Variants in SNX29 observed in about 807,000 individuals in gnomAD.
The protein encoded by SNX29 is sorting nexin 29.
In SNX29, 78 loss-of-function variants were observed where a neutral mutation model predicts 102.1. That is an observed-to-expected ratio of 0.76 (90% confidence interval 0.64 to 0.92). The LOEUF is 0.92. Among genes scored for constraint, SNX29 ranks in the 40% least tolerant of loss-of-function variants. The pLI is 0.00. For synonymous variants in SNX29, 580 were observed against 414.5 expected, an observed-to-expected ratio of 1.40 and a Z score of -4.85; for missense variants, 1,280 against 1,061.7, an observed-to-expected ratio of 1.21 and a Z score of -2.86.
At chr16:12,564,732 T>A (rs1483270974) in intron 20 of SNX29, among the ~76,000 whole-genome samples, 1 of 151,980 alleles carries the variant, frequency 6.6e-6, no homozygotes, top group Non-Finnish European at 1.5e-5. Context: ...AAAAATGCAG[T>A]TGTGCCTAAC....
At chr16:12,352,976 GGGATATAGGCGTT>G (rs112264908) in intron 15 of SNX29, among the ~76,000 whole-genome samples, 2,890 of 152,218 alleles carry the variant, frequency 0.019, 82 homozygotes, top group African/African-American at 0.067. Context: ...ATATAGGCGT[GGGATATAGGCGTT>G]GGATATGGCA....
intron 20 of SNX29, among the ~76,000 whole-genome samples, chr16:12,549,048 C>T (rs1376152500): frequency 2.6e-5 from 4 of 152,222 alleles, no homozygotes; most frequent in African/African-American, 9.6e-5. Context: ...GGTGAGTCCA[C>T]TCTTGCAGCT....
At chr16:12,403,985 G>T (rs1029763679) in intron 18 of SNX29, among the ~76,000 whole-genome samples, 4 of 152,140 alleles carry the variant, frequency 2.6e-5, no homozygotes, top group South Asian at 2.1e-4. Flanking sequence ...CTGGAAGGGC[G>T]GGTCTCACTG....
chr16:12,561,049 A>G, intron 20 of SNX29: 1 of 223,170 alleles, frequency 4.5e-6, no homozygotes, highest in Non-Finnish European at 9.0e-6. Context: ...TCAAACCAAG[A>G]GGTAGGAGGT....
intron 15 of SNX29, among the ~76,000 whole-genome samples, chr16:12,293,062 CTA>C (rs1228188022): frequency 1.3e-5 from 2 of 152,186 alleles, no homozygotes; most frequent in African/African-American, 2.4e-5. Context: ...TAAGCATGTA[CTA>C]TGTGTCAAAC....
intron 19 of SNX29, among the ~76,000 whole-genome samples, chr16:12,509,426 A>C (rs1218143882): frequency 6.6e-6 from 1 of 152,178 alleles, no homozygotes; most frequent in Non-Finnish European, 1.5e-5. Context: ...GTCTGAGAGC[A>C]CTGGGAATTC....
In SNX29 at chr16:12,573,727, G is replaced by A. The variant is rs2079234810; in HGVS notation, c.*5098G>A. On this transcript the variant is annotated 3_prime_UTR_variant, in exon 21 of 21. Coordinates refer to ENST00000566228, the MANE Select transcript of SNX29 (RefSeq NM_032167.5). ...TGAGGACAGTAGCACACGGAATGGT[G>A]GATCGTACATTTGCACCCAGAGCTA... The A allele has an allele frequency of 4.5e-6, 1 of 223,626 alleles. No homozygotes were observed. The highest frequency in any genetic ancestry group is 1.8e-4 in the South Asian group (1 of 5,424). 13.9% of individuals were successfully genotyped at this position (223,626 alleles called of 1,614,324 possible). A position where few individuals can be genotyped will look rare whatever the true frequency, so the allele number is the denominator to read the frequency against.
intron 11 of SNX29, among the ~76,000 whole-genome samples, chr16:12,091,577 A>G (rs1223784175): frequency 6.6e-6 from 1 of 151,858 alleles, no homozygotes; most frequent in Admixed American, 6.6e-5. Flanking sequence ...GCTTGATCCC[A>G]GAACTCGAGA....
chr16:12,143,980 G>C (rs574966354), intron 13 of SNX29, among the ~76,000 whole-genome samples: 109 of 152,146 alleles, frequency 7.2e-4, no homozygotes, highest in Non-Finnish European at 1.3e-3. Flanking sequence ...GCTTAGAGCA[G>C]AGTTTCTCAA....
intron 18 of SNX29, among the ~76,000 whole-genome samples, chr16:12,464,087 C>T (rs143640511): frequency 1.8e-4 from 28 of 152,146 alleles, no homozygotes; most frequent in Admixed American, 3.9e-4. Flanking sequence ...ACTTCACTCA[C>T]GTCCGCCTGT....
In SNX29 at chr16:12,542,851, C is replaced by G. The variant is rs189941523; in HGVS notation, c.2318+18010C>G. 2.1e-3 allele frequency among the ~76,000 whole-genome samples: 322 copies of G among 151,882 alleles called. 1 individual carries two copies. The highest frequency in any genetic ancestry group is 7.6e-3 in the African/African-American group (314 of 41,396). On this transcript the variant is annotated intron_variant, in intron 20 of 20. Coordinates refer to ENST00000566228, the MANE Select transcript of SNX29 (RefSeq NM_032167.5). Reference sequence around the variant, plus strand: ...GGTGTGTGGACCCATGAGCAGTACTCAGAAATGCTAAATGTCTGAGTCTCT... The same window carrying G: ...GGTGTGTGGACCCATGAGCAGTACTGAGAAATGCTAAATGTCTGAGTCTCT...
At chr16:12,062,882 G>A (rs1437588945) in intron 9 of SNX29, among the ~76,000 whole-genome samples, 2 of 152,200 alleles carry the variant, frequency 1.3e-5, no homozygotes, top group African/African-American at 4.8e-5. Context: ...GTCAGATGCA[G>A]TACTAGCTCT....
chr16:12,471,434 A>G (rs545019244), intron 18 of SNX29, among the ~76,000 whole-genome samples: 1 of 152,350 alleles, frequency 6.6e-6, no homozygotes, highest in Non-Finnish European at 1.5e-5. Context: ...CAGGGCTTGA[A>G]GAGGTGAATT....
At chr16:12,564,622 A>C (rs62028257) in intron 20 of SNX29, among the ~76,000 whole-genome samples, 33,916 of 151,294 alleles carry the variant, frequency 0.22, 4,939 homozygotes, top group Non-Finnish European at 0.32. Flanking sequence ...ACCTAGTCCC[A>C]GCATTAACAG....
intron 15 of SNX29, among the ~76,000 whole-genome samples, chr16:12,322,784 TAG>T (rs2080982600): frequency 6.6e-6 from 1 of 150,582 alleles, no homozygotes; most frequent in African/African-American, 2.4e-5. Context: ...ATGCAGTCAG[TAG>T]GGGGCCACTG....
At chr16:12,500,070 C>T (rs896510098) in intron 19 of SNX29, among the ~76,000 whole-genome samples, 1 of 152,054 alleles carries the variant, frequency 6.6e-6, no homozygotes, top group Non-Finnish European at 1.5e-5. Flanking sequence ...TAGCACACTG[C>T]AGCCTCAAAC....
At chr16:12,526,845 G>T in intron 20 of SNX29, 1 of 403,560 alleles carries the variant, frequency 2.5e-6, no homozygotes, top group Non-Finnish European at 4.7e-6. Flanking sequence ...TTCGCGTGCC[G>T]AATTGTAAAA....
In SNX29 at chr16:12,071,700, T is replaced by TC. The variant is rs959407033; in HGVS notation, c.1319+2568_1319+2569insC. The stretch of plus-strand genomic sequence containing the variant: ...AACTTTAAAGTAGTTTTTTTCCAAT[T>TC]TGTGAAGAAAGTCATTGGTAGCTTG... On this transcript the variant is annotated intron_variant, in intron 10 of 20. Transcript: ENST00000566228. 8.4e-3 allele frequency among the ~76,000 whole-genome samples: 1,283 copies of TC among 152,258 alleles called. 20 individuals carry two copies. The highest frequency in any genetic ancestry group is 0.028 in the African/African-American group (1,171 of 41,550).
intron 18 of SNX29, among the ~76,000 whole-genome samples, chr16:12,458,093 C>CA (rs2086616686): frequency 6.6e-6 from 1 of 152,036 alleles, no homozygotes; most frequent in Admixed American, 6.6e-5. Flanking sequence ...TGCAGCTGTG[C>CA]AAAAAAGACT....
Sources: allele counts gnomAD v4.1 joint callset (sites outside exome capture counted in the v4.1 genomes callset), GRCh38; gene constraint gnomAD v4.1.1; transcripts MANE v1.5; gene names NCBI Gene and HGNC (gene_info 2026-07-23, HGNC 2026-07-21).